Variants in CASS4 observed in about 807,000 individuals in gnomAD.
The protein encoded by CASS4 is cas scaffolding protein family member 4.
Under a neutral mutation model 54.2 loss-of-function variants are expected in CASS4, and 22 were observed. That is an observed-to-expected ratio of 0.41 (90% CI 0.29 to 0.58). The LOEUF (loss-of-function observed/expected upper bound fraction) is 0.58, where lower values mean the gene tolerates loss of function less well. CASS4 is among the 20% of genes least tolerant of loss of function. The pLI, the probability that CASS4 is intolerant of heterozygous loss-of-function variation, is 0.36. For missense variants in CASS4, 854 were observed against 986.7 expected (o/e 0.87, Z 1.80); for synonymous variants, 409 against 391.5 (o/e 1.04, Z -0.53).
intron 1 of CASS4, among the ~76,000 whole-genome samples, chr20:56,421,230 A>G (rs1227360562): frequency 6.6e-6 from 1 of 152,208 alleles, no homozygotes; most frequent in Non-Finnish European, 1.5e-5. Flanking sequence ...GTGTATCTTG[A>G]TTTGCATTCA....
chr20:56,449,464 T>TC (rs1980888828), intron 3 of CASS4, among the ~76,000 whole-genome samples: 2 of 150,242 alleles, frequency 1.3e-5, no homozygotes, highest in Admixed American at 1.3e-4. Context: ...TGTCATGGGG[T>TC]AGGGGGAGTA....
Position 56,458,795 on chromosome 20 carries a change from C to G in CASS4, c.*48C>G. ...CTCTGCTCACCTCTCAGCTTCACAC[C>G]CACAACTTGTGCAACTCTGCCCTAT... is the stretch of plus-strand genomic sequence containing the variant. On this transcript the variant is annotated 3_prime_UTR_variant, in exon 6 of 6. Transcript: ENST00000679887. The G allele has an allele frequency of 6.6e-7, 1 of 1,505,090 alleles. No individual in the cohort carries two copies. The allele number at this position is 1,505,090 out of a possible 1,614,324, so 93.2% of individuals were successfully genotyped here.
chr20:56,458,573 G>C lies in CASS4; in HGVS notation c.2187G>C (p.Val729=). ...TLCMETQERD[V]RNEILRGSSH... is the part of the protein sequence containing the mutation. Reference sequence around the variant, plus strand: ...GCATGGAGACCCAGGAGAGGGACGTGCGCAACGAGATCCTCCGTGGCAGCA... The same window carrying C: ...GCATGGAGACCCAGGAGAGGGACGTCCGCAACGAGATCCTCCGTGGCAGCA... Residue 729 remains valine, a synonymous_variant, in exon 6 of 6, where the codon GTG becomes GTC. Transcript: ENST00000679887. The C allele has an allele frequency of 2.5e-6, 4 of 1,614,054 alleles. No individual in the cohort carries two copies. Among genetic ancestry groups the C allele is most frequent in the Non-Finnish European group, 3.4e-6 (4 of 1,179,964 alleles).
At chr20:56,421,079 C>T (rs1979389278) in intron 1 of CASS4, among the ~76,000 whole-genome samples, 1 of 152,178 alleles carries the variant, frequency 6.6e-6, no homozygotes, top group Admixed American at 6.5e-5. Flanking sequence ...AAGCCTGAAC[C>T]TTCACTCATT....
chr20:56,428,502 C>T (rs1979747565), intron 1 of CASS4, among the ~76,000 whole-genome samples: 1 of 152,204 alleles, frequency 6.6e-6, no homozygotes, highest in Admixed American at 6.5e-5. Context: ...CTGGACTCAG[C>T]AGCAGAATGC....
rs1019233110 is a variant in CASS4 at position 56,414,446 on chromosome 20, A to T, written c.36+1952A>T. Among the ~76,000 whole-genome samples, 9 of 151,884 alleles carry T rather than the reference A, an allele frequency of 5.9e-5. No individual in the cohort carries two copies. The highest frequency in any genetic ancestry group is 2.6e-4 in the Admixed American group (4 of 15,238). On this transcript the variant is annotated intron_variant, in intron 1 of 5. Transcript: ENST00000679887. This position sits in a 1 kb window ranked among gnomAD's most constrained non-coding sequence, Gnocchi z 4.1. ...ACAATTGGGTGGGGTTTTGTTATTT[A>T]AAAAAAATATTTTTAGCAATGGGGG...
intron 3 of CASS4, among the ~76,000 whole-genome samples, chr20:56,447,260 C>T (rs188803892): frequency 2.0e-5 from 3 of 152,072 alleles, no homozygotes; most frequent in Non-Finnish European, 2.9e-5. Context: ...TCACTTTAGC[C>T]TTGCTAGGCT....
intron 1 of CASS4, among the ~76,000 whole-genome samples, chr20:56,422,403 T>C (rs934889256): frequency 6.6e-6 from 1 of 152,238 alleles, no homozygotes; most frequent in Non-Finnish European, 1.5e-5. Context: ...CCCCGGTGTA[T>C]ATTGTCAGAC....
At chr20:56,455,699 GC>G (rs1253529091) in intron 5 of CASS4, among the ~76,000 whole-genome samples, 1 of 152,200 alleles carries the variant, frequency 6.6e-6, no homozygotes. Flanking sequence ...GGAGGCCGAG[GC>G]GGGTGGATCG....
intron 4 of CASS4, among the ~76,000 whole-genome samples, 183 bp downstream of exon 4, chr20:56,450,862 C>T (rs1160763032): frequency 6.6e-6 from 1 of 151,884 alleles, no homozygotes; most frequent in African/African-American, 2.4e-5. Flanking sequence ...GGCAAAACCC[C>T]ATCTCTACTA....
At position 56,437,385 on chromosome 20, in the gene CASS4, C is replaced by T; in HGVS notation, c.258C>T (p.Gly86=). The T allele has an allele frequency of 6.2e-7, 1 of 1,614,102 alleles. No homozygotes were observed. The highest frequency in any genetic ancestry group is 8.5e-7 in the Non-Finnish European group (1 of 1,179,962). The change falls in exon 2 of 6, where the codon GGC becomes GGT. Residue 86 remains glycine (G), a synonymous_variant. Coordinates refer to ENST00000679887, the MANE Select transcript of CASS4 (RefSeq NM_020356.4). The surrounding 1 kb of genome is among the most constrained non-coding windows in gnomAD (Gnocchi z 4.7). ...ADRPCPPFLR[G]LEEAPASSEE... ...GGCCGTGCCCCCCATTCCTGAGAGG[C>T]CTGGAAGAAGCTCCTGCCAGCTCAG...
intron 1 of CASS4, among the ~76,000 whole-genome samples, chr20:56,431,304 C>T (rs1979892278): frequency 6.6e-6 from 1 of 152,196 alleles, no homozygotes; most frequent in Admixed American, 6.5e-5. Flanking sequence ...AGGAACTCCC[C>T]AAGACTTTGC....
intron 5 of CASS4, among the ~76,000 whole-genome samples, chr20:56,455,824 G>A (rs1028423437): frequency 2.4e-4 from 37 of 152,170 alleles, no homozygotes; most frequent in Middle Eastern, 3.4e-3. Context: ...CCAGCTACTC[G>A]GGAGGCTGAG....
chr20:56,426,536 C>T (rs952423834), intron 1 of CASS4, among the ~76,000 whole-genome samples: 1 of 152,054 alleles, frequency 6.6e-6, no homozygotes, highest in Admixed American at 6.6e-5. Flanking sequence ...TTTCCCTCTT[C>T]TTCTTCTTCT....
intron 5 of CASS4, 32 bp from the exon 6 acceptor site, chr20:56,458,308 C>T (rs886991757): frequency 3.5e-5 from 55 of 1,581,026 alleles, no homozygotes; most frequent in Non-Finnish European, 4.2e-5. Context: ...TTGATTGAAT[C>T]TCCTATCTAT....
At chr20:56,444,978 C>A (rs991470654) in intron 2 of CASS4, among the ~76,000 whole-genome samples, 1 of 152,118 alleles carries the variant, frequency 6.6e-6, no homozygotes, top group African/African-American at 2.4e-5. Flanking sequence ...GGCATGGAGG[C>A]ATGTGCCTGT....
intron 5 of CASS4, among the ~76,000 whole-genome samples, chr20:56,457,184 C>T (rs548605578): frequency 1.3e-5 from 2 of 152,328 alleles, no homozygotes; most frequent in East Asian, 1.9e-4. Context: ...ACATAACCCC[C>T]TTCTGAAAAA....
intron 1 of CASS4, among the ~76,000 whole-genome samples, chr20:56,413,642 C>T (rs1429134532): frequency 3.1e-5 from 4 of 128,154 alleles, no homozygotes; most frequent in South Asian, 2.6e-4. Flanking sequence ...CACTGCATTC[C>T]GGCCTGGGTG....
chr20:56,448,942 TA>T (rs1417818675), intron 3 of CASS4, among the ~76,000 whole-genome samples: 1 of 152,044 alleles, frequency 6.6e-6, no homozygotes, highest in Non-Finnish European at 1.5e-5. Context: ...TGGCAATCAT[TA>T]AAAAGTCAGG....
Sources: gnomAD v4.1 joint callset for allele counts (sites outside exome capture counted in the v4.1 genomes callset) on GRCh38, gnomAD v4.1.1 for gene constraint, Gnocchi (gnomAD v3.1) non-coding constraint, MANE v1.5 for transcripts, NCBI Gene and HGNC (gene_info 2026-07-23, HGNC 2026-07-21) for gene names.